SPEN: variants seen among roughly 807,000 people sequenced by gnomAD.
SPEN encodes spen family transcriptional repressor, also known as msx2-interacting protein.
Under a neutral mutation model 269.9 loss-of-function variants are expected in SPEN, and 18 were observed. The observed-to-expected ratio is 0.07, with a 90% CI of 0.05 to 0.10. SPEN has a LOEUF of 0.10. SPEN is among the 10% of genes least tolerant of loss of function. SPEN has a pLI of 1.00. For missense variants in SPEN, 3,822 were observed against 4,631.2 expected (o/e 0.83, Z 5.07); for synonymous variants, 1,726 against 1,765.7 (o/e 0.98, Z 0.56).
chr1:15,881,591 A>G (rs960719508), intron 3 of SPEN, among the ~76,000 whole-genome samples: 8 of 152,378 alleles, frequency 5.3e-5, no homozygotes, highest in Admixed American at 2.6e-4. Context: ...AAATACTTAG[A>G]TACAGTTCTT....
chr1:15,866,026 A>G (rs1360327096), intron 1 of SPEN, among the ~76,000 whole-genome samples: 1 of 151,958 alleles, frequency 6.6e-6, no homozygotes, highest in Non-Finnish European at 1.5e-5. Context: ...CTTTTCCTTT[A>G]TGGTTTAGGG....
intron 3 of SPEN, among the ~76,000 whole-genome samples, chr1:15,904,357 T>C (rs556028042): frequency 1.4e-5 from 2 of 148,128 alleles, no homozygotes. Context: ...AACAAACTAC[T>C]TGGGAGGCTG....
At chr1:15,925,662 C>G (rs1249223366) in intron 10 of SPEN, among the ~76,000 whole-genome samples, 1 of 150,548 alleles carries the variant, frequency 6.6e-6, no homozygotes, top group Non-Finnish European at 1.5e-5. Flanking sequence ...CTCCTGGCCT[C>G]AAGCAGGCCT....
chr1:15,892,066 G>C (rs2070796022), intron 3 of SPEN, among the ~76,000 whole-genome samples: 2 of 132,062 alleles, frequency 1.5e-5, no homozygotes, highest in South Asian at 4.8e-4. Context: ...TGTCGCCCAG[G>C]CTGGAGTGCA....
In SPEN at chr1:15,935,709, G is replaced by C. The variant is rs757464458; in HGVS notation, c.9469G>C (p.Glu3157Gln). Residue 3157 changes from glutamate to glutamine, a missense_variant, in exon 11 of 15, where the codon GAG becomes CAG. Transcript: ENST00000375759. This position sits in a 1 kb window ranked among gnomAD's most constrained non-coding sequence, Gnocchi z 7.7. ...TGCACTGGCCTCCCAGCACCCTCCC[G>C]AGGAGGAAGTGCATTATCACCTTCC... is the stretch of plus-strand genomic sequence containing the variant. Reference protein sequence around the residue: ...VPALASQHPPEEEVHYHLPVA... With the variant: ...VPALASQHPPQEEVHYHLPVA... 1 of 1,613,426 alleles carries C rather than the reference G, an allele frequency of 6.2e-7. No individual in the cohort carries two copies. Among genetic ancestry groups the C allele is most frequent in the African/African-American group, 1.3e-5 (1 of 75,016 alleles).
Position 15,934,224 on chromosome 1 carries a change from C to G in SPEN, c.7984C>G (p.Leu2662Val), listed in dbSNP as rs777994060. ...ACTCACTGGCCTGGTGAACGTCTCC[C>G]TGGTCCCGGTGAATGCCCTGAAAGG... ...SALTGLVNVSLVPVNALKGPV... is the reference protein window; with the variant it reads ...SALTGLVNVSVVPVNALKGPV... The change falls in exon 11 of 15, where the codon CTG becomes GTG. Residue 2662 changes from leucine (L) to valine (V), a missense_variant. By Grantham distance (32) the Leu-to-Val change is conservative. This residue lies in a region of SPEN where 329 missense variants were observed against 431.2 expected (regional missense o/e 0.76). Coordinates refer to ENST00000375759, the MANE Select transcript of SPEN (RefSeq NM_015001.3). The surrounding 1 kb of genome is among the most constrained non-coding windows in gnomAD (Gnocchi z 9.2). 6.2e-7 allele frequency: 1 copy of G among 1,614,262 alleles called. No individual in the cohort carries two copies. The highest frequency in any genetic ancestry group is 8.5e-7 in the Non-Finnish European group (1 of 1,180,052).
intron 2 of SPEN, among the ~76,000 whole-genome samples, chr1:15,874,631 T>C (rs887854611): frequency 5.9e-5 from 9 of 152,214 alleles, no homozygotes; most frequent in African/African-American, 1.9e-4. Flanking sequence ...TTTTTGCCTG[T>C]TGCTTCTGTT....
At position 15,927,532 on chromosome 1, in the gene SPEN, G is replaced by A. The variant is rs1329687817; in HGVS notation, c.1851-559G>A. On this transcript the variant is annotated intron_variant, in intron 10 of 14. Coordinates refer to ENST00000375759, the MANE Select transcript of SPEN (RefSeq NM_015001.3). ...AAAATTTTAGTTAAAATTTTTATCT[G>A]TTTTTCTAAACAGTGGATTTATTTC... Among the ~76,000 whole-genome samples, 34 of 152,162 alleles carry A rather than the reference G, an allele frequency of 2.2e-4. No homozygotes were observed. The East Asian group carries it at 6.0e-3, about 27-fold the overall frequency.
intron 3 of SPEN, among the ~76,000 whole-genome samples, chr1:15,883,127 C>T (rs558211942): frequency 6.6e-6 from 1 of 152,304 alleles, no homozygotes; most frequent in South Asian, 2.1e-4. Context: ...ATGTATTTCT[C>T]ACATTTTCAT....
At chr1:15,852,558 G>T (rs1455565392) in intron 1 of SPEN, among the ~76,000 whole-genome samples, 3 of 152,062 alleles carry the variant, frequency 2.0e-5, no homozygotes, top group Non-Finnish European at 4.4e-5. Context: ...GAAAATATAG[G>T]GCTCACTGCC....
At chr1:15,916,977 A>G (rs952601839) in intron 6 of SPEN, among the ~76,000 whole-genome samples, 1 of 152,120 alleles carries the variant, frequency 6.6e-6, no homozygotes, top group Non-Finnish European at 1.5e-5. Context: ...AAATACAAAA[A>G]TTAGCTGGGC....
chr1:15,923,740 G>C (rs777064666), intron 10 of SPEN, among the ~76,000 whole-genome samples: 7 of 151,682 alleles, frequency 4.6e-5, no homozygotes, highest in Non-Finnish European at 1.0e-4. Flanking sequence ...TGCGATATTG[G>C]CTTACTGCAA....
intron 3 of SPEN, among the ~76,000 whole-genome samples, chr1:15,887,252 A>G (rs1040973568): frequency 2.1e-5 from 3 of 145,062 alleles, no homozygotes; most frequent in African/African-American, 7.7e-5. Flanking sequence ...CTGGGATTAC[A>G]GGTGTGAGCT....
At chr1:15,853,943 G>A (rs1472113112) in intron 1 of SPEN, among the ~76,000 whole-genome samples, 2 of 152,126 alleles carry the variant, frequency 1.3e-5, no homozygotes, top group East Asian at 1.9e-4. Context: ...GGGATTACAA[G>A]CATGAGGCAC....
At chr1:15,859,910 T>TTTTTTTTTTG (rs2070426695) in intron 1 of SPEN, among the ~76,000 whole-genome samples, 1 of 112,622 alleles carries the variant, frequency 8.9e-6, no homozygotes, top group Non-Finnish European at 1.8e-5. Context: ...AACATCTTTT[T>TTTTTTTTTTG]TTTTTTTTTT....
rs1363205056 is a variant in SPEN at position 15,935,236 on chromosome 1, A to G, written c.8996A>G (p.Asn2999Ser). ...CCCAGCAAACTGCCTACAGAAGTCA[A>G]CCATGTCCCCTCGGGGCCCAGCATC... is the stretch of plus-strand genomic sequence containing the variant. ...ALPSKLPTEV[N>S]HVPSGPSIPA... The change falls in exon 11 of 15, where the codon AAC becomes AGC. Residue 2999 changes from asparagine (N) to serine (S), a missense_variant. Around this residue, in one of 16 missense-constraint regions of SPEN, gnomAD observed 94 missense variants for 90.4 expected, o/e 1.04. Coordinates refer to ENST00000375759, the MANE Select transcript of SPEN (RefSeq NM_015001.3). This position sits in a 1 kb window ranked among gnomAD's most constrained non-coding sequence, Gnocchi z 7.7. The G allele has an allele frequency of 6.2e-7, 1 of 1,614,066 alleles. No individual in the cohort carries two copies. The highest frequency in any genetic ancestry group is 8.5e-7 in the Non-Finnish European group (1 of 1,180,014).
At chr1:15,897,365 CT>C (rs1010814283) in intron 3 of SPEN, among the ~76,000 whole-genome samples, 3,150 of 138,196 alleles carry the variant, frequency 0.023, 108 homozygotes, top group African/African-American at 0.074. Flanking sequence ...ATTTTTCTTT[CT>C]TTTTTTTTTT....
In SPEN at chr1:15,933,209, C is replaced by A. The variant is rs905268487; in HGVS notation, c.6969C>A (p.Val2323=). 1 of 1,614,124 alleles carries A rather than the reference C, an allele frequency of 6.2e-7. No individual in the cohort carries two copies. The highest frequency in any genetic ancestry group is 8.5e-7 in the Non-Finnish European group (1 of 1,180,028). The stretch of plus-strand genomic sequence containing the variant: ...CCAAAGGGTCTAAAGAAGTGGAAGT[C>A]ACTCTTGTTCGGAAAGACAAAGGGC... ...PEAKGSKEVE[V]TLVRKDKGRQ... Residue 2323 remains valine (V), a synonymous_variant, in exon 11 of 15, where the codon GTC becomes GTA. Coordinates refer to ENST00000375759, the MANE Select transcript of SPEN (RefSeq NM_015001.3). This position sits in a 1 kb window ranked among gnomAD's most constrained non-coding sequence, Gnocchi z 5.7.
chr1:15,885,393 G>A (rs2070727483), intron 3 of SPEN, among the ~76,000 whole-genome samples: 1 of 152,142 alleles, frequency 6.6e-6, no homozygotes, highest in Non-Finnish European at 1.5e-5. Context: ...CATTGCTTTG[G>A]ACCTTTCCAA....
Sources: gnomAD v4.1 joint callset for allele counts (sites outside exome capture counted in the v4.1 genomes callset) on GRCh38, gnomAD v4.1.1 for gene constraint, gnomAD v4.1.1 regional missense constraint, Gnocchi (gnomAD v3.1) non-coding constraint, MANE v1.5 for transcripts, NCBI Gene and HGNC (gene_info 2026-07-23, HGNC 2026-07-21) for gene names.